Variants in PTGER3 observed in about 807,000 individuals in gnomAD.
PTGER3 encodes prostaglandin E receptor 3, also known as prostaglandin E2 receptor EP3 subtype.
In PTGER3, 22 loss-of-function variants were observed where a neutral mutation model predicts 34.7. The observed-to-expected ratio is 0.63, with a 90% confidence interval of 0.45 to 0.91. The LOEUF (loss-of-function observed/expected upper bound fraction) is 0.91, where lower values mean the gene tolerates loss of function less well. Among genes scored for constraint, PTGER3 ranks in the 40% least tolerant of loss-of-function variants. The pLI, the probability that PTGER3 is intolerant of heterozygous loss-of-function variation, is 0.00. For missense variants in PTGER3, 468 were observed against 519.4 expected, an observed-to-expected ratio of 0.90 and a Z score of 0.96; for synonymous variants, 241 against 230.1, an observed-to-expected ratio of 1.05 and a Z score of -0.43.
chr1:70,975,410 C>G (rs17090710), intron 2 of PTGER3, among the ~76,000 whole-genome samples: 37,749 of 151,888 alleles, frequency 0.25, 5,113 homozygotes, highest in African/African-American at 0.34. Flanking sequence ...GAAAAAGACA[C>G]AATAAAATGA....
At chr1:70,870,639 T>A (rs1646142871) in intron 4 of PTGER3, among the ~76,000 whole-genome samples, 1 of 152,226 alleles carries the variant, frequency 6.6e-6, no homozygotes, top group African/African-American at 2.4e-5. Flanking sequence ...TCAGACCACA[T>A]CTTGAACAAT....
intron 1 of PTGER3, among the ~76,000 whole-genome samples, chr1:71,029,284 T>C (rs1659199712): frequency 6.6e-6 from 1 of 152,186 alleles, no homozygotes; most frequent in African/African-American, 2.4e-5. Flanking sequence ...ATCTCTGCTT[T>C]TAAGCAGTTT....
intron 1 of PTGER3, among the ~76,000 whole-genome samples, chr1:71,040,143 GA>G (rs1170999127): frequency 8.9e-5 from 13 of 146,324 alleles, no homozygotes; most frequent in African/African-American, 2.5e-4. Flanking sequence ...AAGAGAGAAA[GA>G]AAAAAAGAAA....
chr1:70,869,374 C>A, intron 4 of PTGER3: 1 of 441,130 alleles, frequency 2.3e-6, no homozygotes, highest in South Asian at 1.7e-5. Context: ...AATATCCAAA[C>A]TATATCATTC....
At chr1:71,018,164 A>G (rs894022247) in intron 1 of PTGER3, among the ~76,000 whole-genome samples, 4 of 152,154 alleles carry the variant, frequency 2.6e-5, no homozygotes, top group Non-Finnish European at 1.5e-5. Flanking sequence ...ATGCCCACAC[A>G]CTGAGCTCTC....
chr1:70,908,312 GA>G (rs1646992302), intron 4 of PTGER3, among the ~76,000 whole-genome samples: 1 of 152,146 alleles, frequency 6.6e-6, no homozygotes, highest in Admixed American at 6.5e-5. Context: ...ATTATTGCCA[GA>G]ACCTGAGGCA....
At chr1:71,014,348 CT>C (rs1303702878) in intron 1 of PTGER3, among the ~76,000 whole-genome samples, 1 of 152,300 alleles carries the variant, frequency 6.6e-6, no homozygotes, top group East Asian at 1.9e-4. Context: ...GTGAACTCTT[CT>C]TTTCCTCATC....
At chr1:70,989,040 C>A (rs189508463) in intron 2 of PTGER3, among the ~76,000 whole-genome samples, 22 of 151,970 alleles carry the variant, frequency 1.4e-4, no homozygotes, top group South Asian at 4.2e-4. Flanking sequence ...ATTCCCCCCC[C>A]AAAACTTGTA....
rs1249573942 is a variant in PTGER3 at position 71,039,106 on chromosome 1, G to C, written c.897+7575C>G. Among the ~76,000 whole-genome samples, 6 of 152,168 alleles carry C rather than the reference G, an allele frequency of 3.9e-5. No individual in the cohort carries two copies. In the East Asian group the frequency reaches 9.6e-4, roughly 24 times the overall value. On this transcript the variant is annotated intron_variant, in intron 1 of 3. Transcript: ENST00000306666. ...AACACAGAGGAATGACTGTTCAGGT[G>C]GGGAGGGGAACTGTTCACTGCAGAT...
intron 4 of PTGER3, among the ~76,000 whole-genome samples, chr1:70,946,464 C>T (rs146576675): frequency 6.6e-6 from 1 of 152,124 alleles, no homozygotes; most frequent in African/African-American, 2.4e-5. Flanking sequence ...CACTACTTAA[C>T]CTGCCATGTT....
chr1:71,029,415 C>T (rs1167349665), intron 1 of PTGER3, among the ~76,000 whole-genome samples: 1 of 152,166 alleles, frequency 6.6e-6, no homozygotes, highest in East Asian at 1.9e-4. Context: ...CATCTCAAAA[C>T]CAGTTTCCTC....
At chr1:70,966,540 G>T (rs1652537173), downstream of PTGER3, among the ~76,000 whole-genome samples, 1 of 152,020 alleles carries the variant, frequency 6.6e-6, no homozygotes, top group South Asian at 2.1e-4. Context: ...TTACATAAGT[G>T]TACATGTGCT....
At chr1:70,921,779 C>T (rs114757792) in intron 4 of PTGER3, among the ~76,000 whole-genome samples, 1,766 of 152,252 alleles carry the variant, frequency 0.012, 18 homozygotes, top group South Asian at 0.035. Context: ...AATGGCAGCC[C>T]GGATTCAAGG....
intron 2 of PTGER3, among the ~76,000 whole-genome samples, chr1:70,998,909 C>T (rs534787410): frequency 1.3e-4 from 20 of 152,216 alleles, no homozygotes; most frequent in African/African-American, 4.6e-4. Flanking sequence ...TGGCTGGGCA[C>T]GGTGGCTCAC....
intron 4 of PTGER3, among the ~76,000 whole-genome samples, chr1:70,937,240 A>G (rs1377592879): frequency 1.3e-5 from 2 of 152,180 alleles, no homozygotes; most frequent in Non-Finnish European, 2.9e-5. Context: ...AAAATTTGGG[A>G]TGAAAATTGC....
intron 2 of PTGER3, among the ~76,000 whole-genome samples, chr1:70,982,124 C>T (rs1478229828): frequency 6.6e-6 from 1 of 152,116 alleles, no homozygotes; most frequent in Admixed American, 6.6e-5. Context: ...AGGAAAAGGC[C>T]TGTGAAATTG....
chr1:70,975,846 G>C (rs906922000), intron 2 of PTGER3, among the ~76,000 whole-genome samples: 3 of 152,048 alleles, frequency 2.0e-5, no homozygotes. Flanking sequence ...TAAATTTTTT[G>C]TCTGCAAGAC....
In PTGER3 at chr1:70,990,401, A is replaced by AT. The variant is rs1491412080; in HGVS notation, c.1078-16014_1078-16013insA. 1.2e-4 allele frequency among the ~76,000 whole-genome samples: 18 copies of AT among 147,632 alleles called. No individual in the cohort carries two copies. In the East Asian group the frequency reaches 2.7e-3, roughly 23 times the overall value. On this transcript the variant is annotated intron_variant, in intron 2 of 3. Coordinates refer to ENST00000306666, the MANE Select transcript of PTGER3 (RefSeq NM_198719.2). ...CACACACACACATATATATATATATAAAATACATATTATATCTATTATACA... is the reference window on the plus strand; with the variant it reads ...CACACACACACATATATATATATATATAAATACATATTATATCTATTATACA...
intron 4 of PTGER3, among the ~76,000 whole-genome samples, chr1:70,873,650 C>T (rs6686982): frequency 0.077 from 10,459 of 135,532 alleles, 812 homozygotes; most frequent in African/African-American, 0.2. Flanking sequence ...ATGTGAGGTG[C>T]TTTTTTTTTT....
Sources: gnomAD v4.1 joint callset for allele counts (sites outside exome capture counted in the v4.1 genomes callset) on GRCh38, gnomAD v4.1.1 for gene constraint, MANE v1.5 for transcripts, NCBI Gene and HGNC (gene_info 2026-07-23, HGNC 2026-07-21) for gene names.